Variants in UNC80 observed in about 807,000 individuals in gnomAD.
UNC80 encodes the protein unc-80 subunit of NALCN channel complex.
UNC80 carries 164 observed loss-of-function variants against 384.6 expected under a neutral mutation model. The observed-to-expected ratio is 0.43, with a 90% CI of 0.38 to 0.49. The LOEUF is 0.49. Among genes scored for constraint, UNC80 ranks in the 20% least tolerant of loss-of-function variants. UNC80 has a pLI of 0.00. For synonymous variants in UNC80, 1,486 were observed against 1,527.8 expected, an observed-to-expected ratio of 0.97 and a Z score of 0.64; for missense variants, 3,330 against 4,143.0, an observed-to-expected ratio of 0.80 and a Z score of 5.39.
At position 209,912,615 on chromosome 2, in the gene UNC80, C is replaced by T; in HGVS notation, c.4838C>T (p.Ala1613Val). ...TCTCTAAAGAAGAGAGTTTCAGATG[C>T]CAATCTGGAAGGAAAAAAAGATTCC... is the stretch of plus-strand genomic sequence containing the variant. ...TPSLKKRVSD[A>V]NLEGKKDSGM... The change falls in exon 30 of 65, where the codon GCC becomes GTC. Residue 1613 changes from alanine (A) to valine (V), a missense_variant. By Grantham distance (64) the Ala-to-Val change is moderately conservative. Transcript: ENST00000673920. 6.4e-7 allele frequency: 1 copy of T among 1,551,350 alleles called. No individual in the cohort carries two copies. Among genetic ancestry groups the T allele is most frequent in the Non-Finnish European group, 8.7e-7 (1 of 1,146,826 alleles).
chr2:209,887,810 T>C (rs2085965516), intron 25 of UNC80, among the ~76,000 whole-genome samples: 1 of 151,770 alleles, frequency 6.6e-6, no homozygotes, highest in Non-Finnish European at 1.5e-5. Flanking sequence ...GGACAAAGAG[T>C]TAGAAGGTAA....
chr2:209,921,972 C>A (rs1237839055), intron 34 of UNC80, among the ~76,000 whole-genome samples: 1 of 152,176 alleles, frequency 6.6e-6, no homozygotes, highest in Non-Finnish European at 1.5e-5. Context: ...CTACTTTCAA[C>A]CTTCACAAGT....
intron 48 of UNC80, among the ~76,000 whole-genome samples, chr2:209,957,103 G>A (rs181490919): frequency 5.3e-4 from 80 of 152,216 alleles, no homozygotes; most frequent in Non-Finnish European, 1.2e-4. Context: ...TATTACTAAC[G>A]ATCTAAATTA....
chr2:209,869,886 G>A (rs2084149520), intron 22 of UNC80, among the ~76,000 whole-genome samples: 1 of 152,082 alleles, frequency 6.6e-6, no homozygotes, highest in Non-Finnish European at 1.5e-5. Flanking sequence ...TTGAGCACAG[G>A]AGAATTGAAA....
intron 28 of UNC80, among the ~76,000 whole-genome samples, chr2:209,898,774 TG>T (rs1293238980): frequency 6.6e-6 from 1 of 152,188 alleles, no homozygotes; most frequent in Non-Finnish European, 1.5e-5. Flanking sequence ...CTACTACCCT[TG>T]CCAGCCTCTG....
At chr2:209,884,867 G>C (rs1441181342) in intron 25 of UNC80, among the ~76,000 whole-genome samples, 1 of 151,940 alleles carries the variant, frequency 6.6e-6, no homozygotes, top group African/African-American at 2.4e-5. Context: ...TGGAAACAGG[G>C]AGGGGAACAA....
At chr2:209,907,707 C>T (rs2088419675) in intron 29 of UNC80, among the ~76,000 whole-genome samples, 1 of 152,206 alleles carries the variant, frequency 6.6e-6, no homozygotes, top group Non-Finnish European at 1.5e-5. Context: ...CATGTTCTTA[C>T]ACTTAATTAT....
Position 209,890,621 on chromosome 2 carries a change from A to G in UNC80, c.4276+2361A>G, listed in dbSNP as rs144915794. On this transcript the variant is annotated intron_variant, in intron 26 of 64. Coordinates refer to ENST00000673920, the MANE Select transcript of UNC80 (RefSeq NM_001371986.1). ...CAAGTTGTGCATCTTAAAATGGGTG[A>G]TATATAGTAACTCACTATGTGGCCT... Among the ~76,000 whole-genome samples, 191 of 152,336 alleles carry G rather than the reference A, an allele frequency of 1.3e-3. 1 individual carries two copies. The highest frequency in any genetic ancestry group is 4.2e-3 in the African/African-American group (175 of 41,592).
At chr2:209,953,452 T>C (rs2124993521) in intron 47 of UNC80, among the ~76,000 whole-genome samples, 1 of 150,308 alleles carries the variant, frequency 6.7e-6, no homozygotes, top group Non-Finnish European at 1.5e-5. Context: ...AGATTTATGT[T>C]GGTGGTGTTA....
At chr2:209,926,784 A>G (rs2090469359) in intron 35 of UNC80, 59 bp from the exon 36 acceptor site, 1 of 1,539,906 alleles carries the variant, frequency 6.5e-7, no homozygotes, top group South Asian at 1.2e-5. Context: ...TCAAAACAAC[A>G]GTAGCAACAA....
At chr2:209,838,429 C>T (rs1029717724) in intron 18 of UNC80, among the ~76,000 whole-genome samples, 1 of 152,090 alleles carries the variant, frequency 6.6e-6, no homozygotes, top group Non-Finnish European at 1.5e-5. Flanking sequence ...TCAAAAATCC[C>T]CTTGCAGGTA....
chr2:209,960,314 G>A (rs1008406436), intron 51 of UNC80, among the ~76,000 whole-genome samples: 8 of 152,148 alleles, frequency 5.3e-5, no homozygotes, highest in African/African-American at 1.9e-4. Context: ...CTAGGGAAAG[G>A]CCCCAGAATT....
chr2:209,786,001 G>C (rs546441871), intron 4 of UNC80, 65 bp from the exon 5 acceptor site: 931 of 1,553,934 alleles, frequency 6.0e-4, no homozygotes, highest in Non-Finnish European at 7.5e-4. Flanking sequence ...TCCTTGCATT[G>C]ATTGGTCCCT....
intron 13 of UNC80, among the ~76,000 whole-genome samples, chr2:209,825,255 C>G (rs988212415): frequency 6.6e-6 from 1 of 152,078 alleles, no homozygotes; most frequent in African/African-American, 2.4e-5. Context: ...TTTCCACTAA[C>G]AACAAAGATT....
intron 59 of UNC80, among the ~76,000 whole-genome samples, chr2:209,981,849 T>C (rs1017390897): frequency 3.3e-5 from 5 of 152,226 alleles, no homozygotes; most frequent in African/African-American, 9.6e-5. Context: ...TTATGGAATG[T>C]TTTTAAAAAA....
Position 209,978,670 on chromosome 2 carries a change from A to G in UNC80, c.9080A>G (p.Gln3027Arg). Residue 3027 changes from glutamine to arginine, a missense_variant, in exon 59 of 65, where the codon CAG becomes CGG. Physicochemically the swap from Gln to Arg is conservative, Grantham distance 43 (BLOSUM62 1). Around this residue, in one of 8 missense-constraint regions of UNC80, gnomAD observed 216 missense variants for 245.3 expected, o/e 0.88. Transcript: ENST00000673920. Reference sequence around the variant, plus strand: ...AGTGAGCCATCCCAGCAGGCTTCGCAGGACACCCTGAGTCGGACTGATGAG... The same window carrying G: ...AGTGAGCCATCCCAGCAGGCTTCGCGGGACACCCTGAGTCGGACTGATGAG... ...QDSEPSQQASQDTLSRTDEED... is the reference protein window; with the variant it reads ...QDSEPSQQASRDTLSRTDEED... The G allele has an allele frequency of 1.3e-6, 2 of 1,549,406 alleles. No individual in the cohort carries two copies. Among genetic ancestry groups the G allele is most frequent in the South Asian group, 1.2e-5 (1 of 83,888 alleles).
At chr2:209,794,752 C>G (rs1209988155) in intron 7 of UNC80, 5 of 453,202 alleles carry the variant, frequency 1.1e-5, no homozygotes, top group Admixed American at 9.5e-5. Context: ...GGGGTTTCCA[C>G]TTTTGTCTCT....
chr2:209,926,068 A>G (rs942094036), intron 35 of UNC80, among the ~76,000 whole-genome samples: 1 of 152,040 alleles, frequency 6.6e-6, no homozygotes, highest in Admixed American at 6.6e-5. Context: ...TTTATTTTTA[A>G]TTTGTTATTG....
At chr2:209,925,603 C>T (rs527308164) in intron 35 of UNC80, among the ~76,000 whole-genome samples, 9 of 152,276 alleles carry the variant, frequency 5.9e-5, no homozygotes, top group South Asian at 4.1e-4. Context: ...TTTTACAGAG[C>T]GCTGATTGGT....
Sources: gnomAD v4.1 joint callset for allele counts (sites outside exome capture counted in the v4.1 genomes callset) on GRCh38, gnomAD v4.1.1 for gene constraint, gnomAD v4.1.1 regional missense constraint, MANE v1.5 for transcripts, NCBI Gene and HGNC (gene_info 2026-07-23, HGNC 2026-07-21) for gene names.